SLC25A16: variants seen among roughly 807,000 people sequenced by gnomAD.
SLC25A16 encodes solute carrier family 25 member 16.
A neutral mutation model predicts 41.5 loss-of-function variants in SLC25A16; 39 were observed. The ratio of observed to expected loss-of-function variants is 0.94; its 90% CI spans 0.73 to 1.23. The LOEUF (loss-of-function observed/expected upper bound fraction) is 1.23. Ranked by LOEUF, SLC25A16 falls within the 50% of genes most tolerant of loss-of-function variation. The pLI, the probability that SLC25A16 is intolerant of heterozygous loss-of-function variation, is 0.00. For missense variants in SLC25A16, 421 were observed against 426.9 expected (o/e 0.99, Z 0.12); for synonymous variants, 146 against 147.8 (o/e 0.99, Z 0.09).
At chr10:68,495,781 C>CAAAAAAAAAAAAAAAAAAAAAAAAA (rs60845242) in intron 4 of SLC25A16, among the ~76,000 whole-genome samples, 1 of 89,630 alleles carries the variant, frequency 1.1e-5, no homozygotes, top group Non-Finnish European at 2.1e-5. Flanking sequence ...GACTATGTCT[C>CAAAAAAAAAAAAAAAAAAAAAAAAA]AAAAAAAAAA....
intron 7 of SLC25A16, 36 bp downstream of exon 7, chr10:68,488,431 A>G (rs377125546): frequency 4.4e-5 from 62 of 1,399,110 alleles, no homozygotes; most frequent in Middle Eastern, 3.7e-4. Context: ...CTGGGTAACT[A>G]TAATTTGATT....
At chr10:68,493,004 C>G (rs923647330) in intron 6 of SLC25A16, 128 bp downstream of exon 6, 1 of 648,876 alleles carries the variant, frequency 1.5e-6, no homozygotes, top group Non-Finnish European at 2.7e-6. Context: ...ATGTGACCAT[C>G]CATAAATCAT....
rs568125928 is a variant in SLC25A16 at position 68,501,195 on chromosome 10, G to A, written c.421+2437C>T. ...GAACCCAGGAGGTGGGGGTTGCAGC[G>A]AGCCGAGACTGTGCCACTGCACTCC... On this transcript the variant is annotated intron_variant, in intron 4 of 8. Transcript: ENST00000609923. Among the ~76,000 whole-genome samples, 16 of 151,862 alleles carry A rather than the reference G, an allele frequency of 1.1e-4. No individual in the cohort carries two copies. In the South Asian group the frequency reaches 2.1e-3, roughly 20 times the overall value.
rs1047256479 is a variant in SLC25A16 at position 68,501,199 on chromosome 10, C to T, written c.421+2433G>A. ...CCAGGAGGTGGGGGTTGCAGCGAGC[C>T]GAGACTGTGCCACTGCACTCCAACC... On this transcript the variant is annotated intron_variant, in intron 4 of 8. Coordinates refer to ENST00000609923, the MANE Select transcript of SLC25A16 (RefSeq NM_152707.4). 4.5e-4 allele frequency among the ~76,000 whole-genome samples: 66 copies of T among 147,848 alleles called. 1 individual carries two copies. The highest frequency in any genetic ancestry group is 6.0e-4 in the Non-Finnish European group (40 of 66,980).
intron 2 of SLC25A16, among the ~76,000 whole-genome samples, chr10:68,508,168 C>T (rs1460985488): frequency 2.0e-5 from 3 of 151,330 alleles, no homozygotes; most frequent in East Asian, 3.9e-4. Flanking sequence ...GCCGAGATTG[C>T]ACCACTACAC....
chr10:68,517,161 C>A (rs1384079192), intron 1 of SLC25A16: 1 of 1,024,118 alleles, frequency 9.8e-7, no homozygotes, highest in African/African-American at 1.7e-5. Context: ...CTGCCAGGTT[C>A]TGTTTGAAGT....
intron 8 of SLC25A16, among the ~76,000 whole-genome samples, chr10:68,484,550 T>C (rs1275200340): frequency 6.6e-6 from 1 of 151,150 alleles, no homozygotes; most frequent in East Asian, 1.9e-4. Flanking sequence ...CTCAGCCTCT[T>C]CAGTAGCTGA....
At chr10:68,492,527 G>C (rs929877597) in intron 6 of SLC25A16, among the ~76,000 whole-genome samples, 1 of 152,056 alleles carries the variant, frequency 6.6e-6, no homozygotes, top group African/African-American at 2.4e-5. Flanking sequence ...CCAGCACTTT[G>C]GGAGGCCAAG....
Position 68,483,371 on chromosome 10 carries a change from AT to A in SLC25A16, c.*60del, listed in dbSNP as rs2052507803. ...TTCAAGTAATGTTCCCCCCACAATT[AT>A]AGTAATGTTTCATTTCTCCCTCTGA... On this transcript the variant is annotated 3_prime_UTR_variant, in exon 9 of 9. Coordinates refer to ENST00000609923, the MANE Select transcript of SLC25A16 (RefSeq NM_152707.4). 3.6e-6 allele frequency: 4 copies of A among 1,098,664 alleles called. No homozygotes were observed. The Admixed American group carries it at 6.4e-5, about 18-fold the overall frequency. 68.1% of individuals were successfully genotyped at this position (1,098,664 alleles called of 1,614,324 possible). A position where few individuals can be genotyped will look rare whatever the true frequency, so the allele number is the denominator to read the frequency against.
rs2052701052 is a variant in SLC25A16 at position 68,493,676 on chromosome 10, AT to A, written c.422-107del. On this transcript the variant is annotated intron_variant, in intron 4 of 8. Coordinates refer to ENST00000609923, the MANE Select transcript of SLC25A16 (RefSeq NM_152707.4). ...ATATTATGGCAATGGTGAAAACCCA[AT>A]AAAATCAAAGGTGATATTACTGACA... 6.8e-5 allele frequency: 60 copies of A among 887,512 alleles called. 2 individuals carry two copies. In the South Asian group the frequency reaches 9.2e-4, roughly 14 times the overall value. The allele number at this position is 887,512 out of a possible 1,614,324, so 55.0% of individuals were successfully genotyped here.
chr10:68,507,565 G>C (rs2052979865), intron 2 of SLC25A16, among the ~76,000 whole-genome samples: 1 of 152,014 alleles, frequency 6.6e-6, no homozygotes. Flanking sequence ...GATAAACAAA[G>C]GGCTGAGTTG....
At chr10:68,508,018 G>C (rs183153153) in intron 2 of SLC25A16, among the ~76,000 whole-genome samples, 4 of 152,226 alleles carry the variant, frequency 2.6e-5, no homozygotes, top group African/African-American at 9.6e-5. Flanking sequence ...ATCACCTGAG[G>C]TCAGGAGTTT....
At chr10:68,497,621 AT>A (rs565594457) in intron 4 of SLC25A16, among the ~76,000 whole-genome samples, 85 of 140,130 alleles carry the variant, frequency 6.1e-4, no homozygotes, top group East Asian at 1.4e-3. Flanking sequence ...TTTTTTTTTA[AT>A]TTTTTTTTTT....
chr10:68,501,784 G>A (rs963332573), intron 4 of SLC25A16, among the ~76,000 whole-genome samples: 1 of 151,982 alleles, frequency 6.6e-6, no homozygotes, highest in African/African-American at 2.4e-5. Context: ...AAAAAGTTAC[G>A]TGAGCGAATA....
chr10:68,504,858 T>C (rs1434654493), intron 3 of SLC25A16, among the ~76,000 whole-genome samples: 2 of 152,162 alleles, frequency 1.3e-5, no homozygotes, highest in East Asian at 3.9e-4. Flanking sequence ...TTTTGTATTT[T>C]TAGTAGAGAA....
Position 68,480,662 on chromosome 10 carries a change from A to T in SLC25A16, c.*2770T>A, listed in dbSNP as rs1590085630. On this transcript the variant is annotated 3_prime_UTR_variant, in exon 9 of 9. Transcript: ENST00000609923. The stretch of plus-strand genomic sequence containing the variant: ...CAGGTGCGTGCCACCACGCCCAGCT[A>T]ATTTTTTGTATTTTTAGTAGAGATA... 6.6e-6 allele frequency: 1 copy of T among 151,652 alleles called. No individual in the cohort carries two copies. Among genetic ancestry groups the T allele is most frequent in the East Asian group, 1.9e-4 (1 of 5,136 alleles). 9.4% of individuals were successfully genotyped at this position (151,652 alleles called of 1,614,324 possible). A position where few individuals can be genotyped will look rare whatever the true frequency, so the allele number is the denominator to read the frequency against.
intron 1 of SLC25A16, among the ~76,000 whole-genome samples, chr10:68,518,491 T>C (rs1028034352): frequency 6.6e-5 from 10 of 151,570 alleles, no homozygotes; most frequent in African/African-American, 2.4e-4. Flanking sequence ...AAAAATAAAT[T>C]GTGGCTGGGA....
At chr10:68,507,646 AG>A (rs1363589987) in intron 2 of SLC25A16, among the ~76,000 whole-genome samples, 7 of 152,158 alleles carry the variant, frequency 4.6e-5, no homozygotes, top group African/African-American at 1.7e-4. Context: ...ATCTATATAT[AG>A]TGATATCTTT....
intron 2 of SLC25A16, among the ~76,000 whole-genome samples, chr10:68,509,488 G>A (rs1364971872): frequency 6.6e-6 from 1 of 152,046 alleles, no homozygotes; most frequent in East Asian, 1.9e-4. Context: ...GCCAAGGTGG[G>A]AGGATCGCTT....
Sources: allele counts gnomAD v4.1 joint callset (sites outside exome capture counted in the v4.1 genomes callset), GRCh38; gene constraint gnomAD v4.1.1; transcripts MANE v1.5; gene names NCBI Gene and HGNC (gene_info 2026-07-23, HGNC 2026-07-21).